VWA8: variants seen among roughly 807,000 people sequenced by gnomAD.
The protein encoded by VWA8 is von Willebrand factor A domain-containing protein 8.
A neutral mutation model predicts 241.5 loss-of-function variants in VWA8; 221 were observed. That is an observed-to-expected ratio of 0.91 (90% CI 0.82 to 1.02). The LOEUF is 1.02. Ranked by LOEUF, VWA8 falls within the 50% of genes least tolerant of loss-of-function variation. The pLI is 0.00. For synonymous variants in VWA8, 852 were observed against 827.1 expected, an observed-to-expected ratio of 1.03 and a Z score of -0.52; for missense variants, 2,322 against 2,328.7, an observed-to-expected ratio of 1.00 and a Z score of 0.06.
intron 2 of VWA8, among the ~76,000 whole-genome samples, chr13:41,948,761 A>G (rs1489840768): frequency 6.6e-6 from 1 of 152,180 alleles, no homozygotes; most frequent in African/African-American, 2.4e-5. Context: ...AAAAACTGAT[A>G]ACTACAAGAA....
intron 25 of VWA8, among the ~76,000 whole-genome samples, chr13:41,720,261 T>C (rs10507495): frequency 0.08 from 12,234 of 152,108 alleles, 578 homozygotes; most frequent in East Asian, 0.14. Flanking sequence ...TGACTACAAC[T>C]GAATTTACAC....
intron 16 of VWA8, among the ~76,000 whole-genome samples, chr13:41,811,650 G>A (rs1344846702): frequency 6.6e-6 from 1 of 152,146 alleles, no homozygotes; most frequent in African/African-American, 2.4e-5. Flanking sequence ...ACTGGACTTA[G>A]GCTGTATGAT....
In VWA8 at chr13:41,691,333, T is replaced by A. The variant is rs571896786; in HGVS notation, c.3853A>T (p.Ser1285Cys). The change falls in exon 32 of 45, where the codon AGC becomes TGC. Residue 1285 changes from serine to cysteine, a missense_variant. Ser to Cys is a moderately radical substitution (Grantham distance 112). Transcript: ENST00000379310. ...VAEDKWLLVE[S>C]KTNQKYLLTK... ...AAAGCCACTCACTGATTTGTTTTGC[T>A]CTCCACCAGAAGCCATTTGTCCTCT... 1.2e-6 allele frequency: 2 copies of A among 1,612,308 alleles called. No individual in the cohort carries two copies. The highest frequency in any genetic ancestry group is 3.3e-5 in the Admixed American group (2 of 59,932).
chr13:41,807,502 G>C (rs910476236), intron 17 of VWA8, among the ~76,000 whole-genome samples: 1 of 152,160 alleles, frequency 6.6e-6, no homozygotes, highest in Non-Finnish European at 1.5e-5. Flanking sequence ...ATGACCAAGC[G>C]GGATTTATGC....
chr13:41,685,176 A>T lies in VWA8; in HGVS notation c.4198T>A (p.Ser1400Thr). ...SLHKRSGTDT[S>T]FYRGKKKRGT... The stretch of plus-strand genomic sequence containing the variant: ...CTTTTCTTCTTTCCTCTATAGAATG[A>T]TGTATCAGTGCCACTTCGTTTATGC... The change falls in exon 35 of 45, where the codon TCA (serine) becomes ACA (threonine). Residue 1400 changes from serine to threonine, a missense_variant. Transcript: ENST00000379310. 1 of 1,613,572 alleles carries T rather than the reference A, an allele frequency of 6.2e-7. No homozygotes were observed. The highest frequency in any genetic ancestry group is 1.1e-5 in the South Asian group (1 of 91,070).
chr13:41,726,023 A>G (rs1208061157), intron 24 of VWA8, among the ~76,000 whole-genome samples: 1 of 152,208 alleles, frequency 6.6e-6, no homozygotes, highest in Non-Finnish European at 1.5e-5. Flanking sequence ...ATATACAAGC[A>G]TATGCATGTA....
At chr13:41,882,993 A>G (rs1288199331) in intron 9 of VWA8, among the ~76,000 whole-genome samples, 1 of 152,210 alleles carries the variant, frequency 6.6e-6, no homozygotes, top group Non-Finnish European at 1.5e-5. Flanking sequence ...ATGATTCATA[A>G]TAACACCAAT....
intron 21 of VWA8, among the ~76,000 whole-genome samples, chr13:41,743,299 A>C (rs147124348): frequency 6.6e-6 from 1 of 152,350 alleles, no homozygotes; most frequent in Non-Finnish European, 1.5e-5. Context: ...TAGTTCAGGC[A>C]AGAAAAGATG....
At chr13:41,955,845 A>T (rs1401438801) in intron 1 of VWA8, 1 of 152,186 alleles carries the variant, frequency 6.6e-6, no homozygotes, top group Non-Finnish European at 1.5e-5. Flanking sequence ...GCTTGGGTCA[A>T]CCACAGGCTG....
At chr13:41,741,671 A>G (rs1305072691) in intron 21 of VWA8, among the ~76,000 whole-genome samples, 1 of 152,222 alleles carries the variant, frequency 6.6e-6, no homozygotes, top group Non-Finnish European at 1.5e-5. Flanking sequence ...GCCAAAGAAT[A>G]AACACATGAA....
In VWA8 at chr13:41,699,066, A is replaced by G. The variant is rs754871515; in HGVS notation, c.3564+5T>C. On this transcript the variant is annotated splice_donor_5th_base_variant and intron_variant, in intron 29 of 44. Transcript: ENST00000379310. ...CTCACATAATTGTAGCCTGGTGTGC[A>G]TTACCTGCTGCTCATGGAGAACCAC... The G allele has an allele frequency of 5.6e-6, 9 of 1,613,864 alleles. No individual in the cohort carries two copies. The South Asian group carries it at 9.9e-5, about 18-fold the overall frequency.
chr13:41,642,189 TAC>T (rs1030125649), intron 37 of VWA8, among the ~76,000 whole-genome samples: 2 of 152,212 alleles, frequency 1.3e-5, no homozygotes, highest in African/African-American at 4.8e-5. Context: ...AACAGTGGGT[TAC>T]ACACATCTCA....
At chr13:41,902,592 TAATA>T (rs1156819569) in intron 4 of VWA8, among the ~76,000 whole-genome samples, 11 of 152,234 alleles carry the variant, frequency 7.2e-5, no homozygotes, top group African/African-American at 2.7e-4. Context: ...ATATATTTGT[TAATA>T]AATACAAATA....
At chr13:41,626,551 G>T (rs1022864808) in intron 37 of VWA8, among the ~76,000 whole-genome samples, 2 of 152,128 alleles carry the variant, frequency 1.3e-5, no homozygotes, top group Admixed American at 1.3e-4. Flanking sequence ...AAACAGCATG[G>T]TGTTGGTATA....
intron 28 of VWA8, among the ~76,000 whole-genome samples, chr13:41,700,971 C>T (rs551700006): frequency 6.6e-6 from 1 of 152,330 alleles, no homozygotes; most frequent in East Asian, 1.9e-4. Flanking sequence ...GCCAAAAATT[C>T]ACATTCTTTA....
chr13:41,672,636 AAC>A (rs1279559679), intron 36 of VWA8, among the ~76,000 whole-genome samples: 1 of 152,198 alleles, frequency 6.6e-6, no homozygotes, highest in Non-Finnish European at 1.5e-5. Flanking sequence ...GTTGATACTA[AAC>A]ACAGAGTGAC....
chr13:41,726,996 G>GA (rs946645332), intron 24 of VWA8, among the ~76,000 whole-genome samples, 198 bp downstream of exon 24: 1 of 151,530 alleles, frequency 6.6e-6, no homozygotes, highest in Non-Finnish European at 1.5e-5. Context: ...CTCCATCTCG[G>GA]AAAAAAACAA....
intron 10 of VWA8, 119 bp downstream of exon 10, chr13:41,868,227 C>A: frequency 8.7e-7 from 1 of 1,144,852 alleles, no homozygotes; most frequent in Non-Finnish European, 1.3e-6. Flanking sequence ...CATATAGATA[C>A]CGACAGAAGC....
chr13:41,795,312 C>CTG (rs1261866143), intron 17 of VWA8, among the ~76,000 whole-genome samples: 2 of 152,054 alleles, frequency 1.3e-5, no homozygotes, highest in East Asian at 3.8e-4. Flanking sequence ...GTTGGCTAGG[C>CTG]TGTGGAGAAA....
Sources: allele counts gnomAD v4.1 joint callset (sites outside exome capture counted in the v4.1 genomes callset), GRCh38; gene constraint gnomAD v4.1.1; transcripts MANE v1.5; gene names NCBI Gene and HGNC (gene_info 2026-07-23, HGNC 2026-07-21).